Variants in KCNA10 observed in about 807,000 individuals in gnomAD.
The protein encoded by KCNA10 is potassium voltage-gated channel subfamily A member 10.
KCNA10 carries 16 observed loss-of-function variants against 21.4 expected under a neutral mutation model. The ratio of observed to expected loss-of-function variants is 0.75; its 90% CI spans 0.51 to 1.14. The LOEUF (loss-of-function observed/expected upper bound fraction) is 1.14. Among genes scored for constraint, KCNA10 ranks in the 50% most tolerant of loss-of-function variants. KCNA10 has a pLI of 0.00. For synonymous variants in KCNA10, 276 were observed against 245.9 expected (o/e 1.12, Z -1.15); for missense variants, 677 against 649.1 (o/e 1.04, Z -0.47).
Position 110,517,425 on chromosome 1 carries a change from C to T in KCNA10, c.1363G>A (p.Val455Ile). Residue 455 changes from valine to isoleucine, a missense_variant, in exon 1 of 1, where the codon GTC becomes ATC. Transcript: ENST00000369771. ...GVLTIALPVPVIVSNFNYFYH... is the reference protein window; with the variant it reads ...GVLTIALPVPIIVSNFNYFYH... Reference sequence around the variant, plus strand: ...AAGTAATTGAAGTTGGAGACAATGACAGGCACAGGGAGGGCAATGGTGAGG... The same window carrying T: ...AAGTAATTGAAGTTGGAGACAATGATAGGCACAGGGAGGGCAATGGTGAGG... The T allele has an allele frequency of 5.0e-6, 8 of 1,614,204 alleles. No individual in the cohort carries two copies. The highest frequency in any genetic ancestry group is 2.2e-5 in the East Asian group (1 of 44,884).
Position 110,518,774 on chromosome 1 carries a change from C to CCA in KCNA10, c.12_13dup (p.Gly5ValfsTer78), listed in dbSNP as rs1557707123. 1.3e-6 allele frequency: 2 copies of CCA among 1,569,810 alleles called. No homozygotes were observed. Among genetic ancestry groups the CCA allele is most frequent in the Admixed American group, 3.6e-5 (2 of 55,206 alleles). ...CAGCGCAACCTCCATTTCTTTCCAG[C>CCA]CACACACATCCATTCTAGGGGAGCC... On this transcript the variant is annotated frameshift_variant, in exon 1 of 1. Transcript: ENST00000369771. LOFTEE classifies it high-confidence loss of function.
At position 110,518,617 on chromosome 1, in the gene KCNA10, G is replaced by A. The variant is rs1647296952; in HGVS notation, c.171C>T (p.Thr57=). ...GCTTGGAGAAGGCCGTCTCATGGTT[G>A]GTGCTTTCGCTGATGAGGATCTTCC... The part of the protein sequence containing the change: ...SNGKILISES[T]NHETAFSKLP... Residue 57 remains threonine (T), a synonymous_variant, in exon 1 of 1, where the codon ACC becomes ACT. Transcript: ENST00000369771. 2 of 1,614,052 alleles carry A rather than the reference G, an allele frequency of 1.2e-6. No homozygotes were observed. The highest frequency in any genetic ancestry group is 1.7e-6 in the Non-Finnish European group (2 of 1,180,052).
rs1172293014 is a variant in KCNA10, at chr1:110,517,770, G to C, written c.1018C>G (p.Leu340Val). Residue 340 changes from leucine (L) to valine (V), a missense_variant, in exon 1 of 1, where the codon CTG becomes GTG. Physicochemically the swap from Leu to Val is conservative, Grantham distance 32. Transcript: ENST00000369771. ...ACCCTCACCAGGCGGATGATCCTCA[G>C]GATGGCCAGGGACATGTTCTGTTGG... ...SAQQNMSLAI[L>V]RIIRLVRVFR... The C allele has an allele frequency of 1.2e-6, 2 of 1,614,070 alleles. No individual in the cohort carries two copies. Among genetic ancestry groups the C allele is most frequent in the Non-Finnish European group, 1.7e-6 (2 of 1,180,046 alleles).
In KCNA10 at chr1:110,518,088, A is replaced by G. The variant is rs758272314; in HGVS notation, c.700T>C (p.Cys234Arg). 6.2e-7 allele frequency: 1 copy of G among 1,613,534 alleles called. No individual in the cohort carries two copies. The highest frequency in any genetic ancestry group is 8.5e-7 in the Non-Finnish European group (1 of 1,179,882). Residue 234 changes from cysteine (C) to arginine (R), a missense_variant, in exon 1 of 1, where the codon TGC becomes CGC. Transcript: ENST00000369771. ...CGGAACTCTGGCAGTGTCTCCAGGC[A>G]GAAGATGGTGATGGAGATGACCACA... ...LVVVISITIF[C>R]LETLPEFRED...
At position 110,517,792 on chromosome 1, in the gene KCNA10, T is replaced by C. The variant is rs1321741118; in HGVS notation, c.996A>G (p.Gln332=). 3.1e-6 allele frequency: 5 copies of C among 1,613,918 alleles called. No homozygotes were observed. The African/African-American group carries it at 6.7e-5, about 22-fold the overall frequency. Reference sequence around the variant, plus strand: ...TCAGGATGGCCAGGGACATGTTCTGTTGGGCACTCGGCTCTGTCTCCTGGA... The same window carrying C: ...TCAGGATGGCCAGGGACATGTTCTGCTGGGCACTCGGCTCTGTCTCCTGGA... ...ELVQETEPSA[Q]QNMSLAILRI... The change falls in exon 1 of 1, where the codon CAA becomes CAG. Residue 332 remains glutamine, a synonymous_variant. Coordinates refer to ENST00000369771, the MANE Select transcript of KCNA10 (RefSeq NM_005549.2).
chr1:110,518,713 C>T lies in KCNA10; in HGVS notation c.75G>A (p.Glu25=), dbSNP rs1647298716. ...AGTCGAAGTCTGTGGCATAGCCTGG[C>T]TCTTCTTGGATTTCATCTGAATTAT... ...NFDNSDEIQE[E]PGYATDFDST... is the part of the protein sequence containing the mutation. The change falls in exon 1 of 1, where the codon GAG becomes GAA. Residue 25 remains glutamate, a synonymous_variant. Coordinates refer to ENST00000369771, the MANE Select transcript of KCNA10 (RefSeq NM_005549.2). 2 of 1,613,206 alleles carry T rather than the reference C, an allele frequency of 1.2e-6. No individual in the cohort carries two copies. Among genetic ancestry groups the T allele is most frequent in the Admixed American group, 1.7e-5 (1 of 59,846 alleles).
chr1:110,518,324 G>C lies in KCNA10; in HGVS notation c.464C>G (p.Ala155Gly). 1.2e-6 allele frequency: 2 copies of C among 1,614,208 alleles called. No individual in the cohort carries two copies. Among genetic ancestry groups the C allele is most frequent in the South Asian group, 2.2e-5 (2 of 91,088 alleles). The change falls in exon 1 of 1, where the codon GCC becomes GGC. Residue 155 changes from alanine (A) to glycine (G), a missense_variant. Physicochemically the swap from Ala to Gly is moderately conservative, Grantham distance 60 (BLOSUM62 0). Coordinates refer to ENST00000369771, the MANE Select transcript of KCNA10 (RefSeq NM_005549.2). ...YQSGGKIRRP[A>G]NVPIDIFADE... ...AGCAAAGATATCAATGGGAACATTGGCTGGGCGCCGAATTTTCCCACCAGA... is the reference window on the plus strand; with the variant it reads ...AGCAAAGATATCAATGGGAACATTGCCTGGGCGCCGAATTTTCCCACCAGA...
Position 110,518,929 on chromosome 1 carries a change from G to T in KCNA10, c.-142C>A. 1 of 591,266 alleles carries T rather than the reference G, an allele frequency of 1.7e-6. No homozygotes were observed. Among genetic ancestry groups the T allele is most frequent in the Non-Finnish European group, 2.8e-6 (1 of 351,720 alleles). The allele number at this position is 591,266 out of a possible 1,614,324, so 36.6% of individuals were successfully genotyped here. On this transcript the variant is annotated 5_prime_UTR_variant, in exon 1 of 1. Coordinates refer to ENST00000369771, the MANE Select transcript of KCNA10 (RefSeq NM_005549.2). ...TTATTGAGGTAAGGTACACCAATGG[G>T]CTAATCAATGACTTATTTGTAGCTT... is the stretch of plus-strand genomic sequence containing the variant.
chr1:110,518,197 G>A lies in KCNA10; in HGVS notation c.591C>T (p.Asp197=). The change falls in exon 1 of 1, where the codon GAC becomes GAT. Residue 197 remains aspartate (D), a synonymous_variant. Coordinates refer to ENST00000369771, the MANE Select transcript of KCNA10 (RefSeq NM_005549.2). ...KDPETLLPTN[D]IHRQFWLLFE... ...AGAGGAGCCAGAACTGACGGTGGAT[G>A]TCATTGGTGGGTAGCAGTGTTTCAG... 6.2e-7 allele frequency: 1 copy of A among 1,613,870 alleles called. No homozygotes were observed. The highest frequency in any genetic ancestry group is 8.5e-7 in the Non-Finnish European group (1 of 1,179,992).
Position 110,517,598 on chromosome 1 carries a change from T to A in KCNA10, c.1190A>T (p.Glu397Val), listed in dbSNP as rs758616318. 4.6e-5 allele frequency: 75 copies of A among 1,613,970 alleles called. No homozygotes were observed. The highest frequency in any genetic ancestry group is 6.0e-5 in the Non-Finnish European group (71 of 1,180,040). Residue 397 changes from glutamate (E) to valine (V), a missense_variant, in exon 1 of 1, where the codon GAG becomes GTG. Coordinates refer to ENST00000369771, the MANE Select transcript of KCNA10 (RefSeq NM_005549.2). ...ILFSSAVYFA[E>V]VDEPESHFSS... is the part of the protein sequence containing the mutation. ...GAAATGGGACTCTGGCTCATCCACC[T>A]CAGCAAAGTAGACTGCACTGGAGAA... is the stretch of plus-strand genomic sequence containing the variant.
chr1:110,518,880 G>T lies in KCNA10; in HGVS notation c.-93C>A. On this transcript the variant is annotated 5_prime_UTR_variant, in exon 1 of 1. The change creates a new upstream start codon in the 5' untranslated region. Transcript: ENST00000369771. ...GAAGAAGTTCATTATACAAGATCCA[G>T]GGCAGAATACAACTGGCCCTTGTTT... is the stretch of plus-strand genomic sequence containing the variant. 9.0e-7 allele frequency: 1 copy of T among 1,110,752 alleles called. No homozygotes were observed. The highest frequency in any genetic ancestry group is 1.3e-6 in the Non-Finnish European group (1 of 789,458). 68.8% of individuals were successfully genotyped at this position (1,110,752 alleles called of 1,614,324 possible). A position where few individuals can be genotyped will look rare whatever the true frequency, so the allele number is the denominator to read the frequency against.
chr1:110,517,501 C>G lies in KCNA10; in HGVS notation c.1287G>C (p.Pro429=). 1 of 1,614,078 alleles carries G rather than the reference C, an allele frequency of 6.2e-7. No homozygotes were observed. Among genetic ancestry groups the G allele is most frequent in the South Asian group, 1.1e-5 (1 of 91,066 alleles). ...MTTVGYGDMC[P]TTPGGKIVGT... is the part of the protein sequence containing the mutation. The stretch of plus-strand genomic sequence containing the variant: ...CCACAATCTTCCCCCCTGGGGTGGT[C>G]GGGCACATGTCCCCATAGCCTACAG... The change falls in exon 1 of 1, where the codon CCG becomes CCC. Residue 429 remains proline (P), a synonymous_variant. Coordinates refer to ENST00000369771, the MANE Select transcript of KCNA10 (RefSeq NM_005549.2).
chr1:110,518,043 C>T lies in KCNA10; in HGVS notation c.745G>A (p.Val249Met). 2 of 1,613,862 alleles carry T rather than the reference C, an allele frequency of 1.2e-6. No homozygotes were observed. The highest frequency in any genetic ancestry group is 1.7e-6 in the Non-Finnish European group (2 of 1,179,998). Residue 249 changes from valine (V) to methionine (M), a missense_variant, in exon 1 of 1, where the codon GTG becomes ATG. Physicochemically the swap from Val to Met is conservative, Grantham distance 21. Coordinates refer to ENST00000369771, the MANE Select transcript of KCNA10 (RefSeq NM_005549.2). The part of the protein sequence containing the change: ...PEFREDRELK[V>M]VRDPNLNMSK... The stretch of plus-strand genomic sequence containing the variant: ...ATGTTGAGATTGGGGTCTCTGACCA[C>T]CTTTAGCTCCCTATCCTCCCGGAAC...
chr1:110,518,640 T>C lies in KCNA10; in HGVS notation c.148A>G (p.Lys50Glu). ...RPGGSSFSNG[K>E]ILISESTNHE... is the part of the protein sequence containing the mutation. ...TTGGTGCTTTCGCTGATGAGGATCT[T>C]CCCGTTGGAGAAGGAGCTGCCCCCA... is the stretch of plus-strand genomic sequence containing the variant. The change falls in exon 1 of 1, where the codon AAG (lysine) becomes GAG (glutamate). Residue 50 changes from lysine to glutamate, a missense_variant. Coordinates refer to ENST00000369771, the MANE Select transcript of KCNA10 (RefSeq NM_005549.2). The C allele has an allele frequency of 6.2e-7, 1 of 1,614,152 alleles. No individual in the cohort carries two copies. Among genetic ancestry groups the C allele is most frequent in the East Asian group, 2.2e-5 (1 of 44,880 alleles).
Position 110,517,481 on chromosome 1 carries a change from A to G in KCNA10, c.1307T>C (p.Ile436Thr), listed in dbSNP as rs1647242183. ...TGCAATGGCACACAGAGTGCCCACA[A>G]TCTTCCCCCCTGGGGTGGTCGGGCA... ...DMCPTTPGGK[I>T]VGTLCAIAGV... The change falls in exon 1 of 1, where the codon ATT (isoleucine) becomes ACT (threonine). Residue 436 changes from isoleucine to threonine, a missense_variant. Transcript: ENST00000369771. 4.3e-6 allele frequency: 7 copies of G among 1,614,140 alleles called. No individual in the cohort carries two copies. Among genetic ancestry groups the G allele is most frequent in the Non-Finnish European group, 5.1e-6 (6 of 1,180,012 alleles).
chr1:110,517,707 G>A lies in KCNA10; in HGVS notation c.1081C>T (p.Leu361=). 1 of 1,614,212 alleles carries A rather than the reference G, an allele frequency of 6.2e-7. No individual in the cohort carries two copies. Among genetic ancestry groups the A allele is most frequent in the Non-Finnish European group, 8.5e-7 (1 of 1,180,046 alleles). Residue 361 remains leucine (L), a synonymous_variant, in exon 1 of 1, where the codon CTG becomes TTG. Coordinates refer to ENST00000369771, the MANE Select transcript of KCNA10 (RefSeq NM_005549.2). ...TTCAGTGTTTGCCCGAGGATCTGCA[G>A]CCCCTTGGAGTGGCGCGAGAGCTTG... is the stretch of plus-strand genomic sequence containing the variant. ...IFKLSRHSKG[L]QILGQTLKAS... is the part of the protein sequence containing the mutation.
In KCNA10 at chr1:110,517,295, T is replaced by A; in HGVS notation, c.1493A>T (p.Asn498Ile). The A allele has an allele frequency of 6.2e-7, 1 of 1,614,168 alleles. No individual in the cohort carries two copies. Among genetic ancestry groups the A allele is most frequent in the Non-Finnish European group, 8.5e-7 (1 of 1,180,018 alleles). The change falls in exon 1 of 1, where the codon AAT (asparagine) becomes ATT (isoleucine). Residue 498 changes from asparagine (N) to isoleucine (I), a missense_variant. Asn to Ile is a moderately radical substitution (Grantham distance 149). Coordinates refer to ENST00000369771, the MANE Select transcript of KCNA10 (RefSeq NM_005549.2). ...GSRMGSTDSL[N>I]KTNGGCSTEK... ...TGTGGAACAGCCACCATTGGTCTTATTAAGAGAGTCTGTGCTGCCCATTCT... is the reference window on the plus strand; with the variant it reads ...TGTGGAACAGCCACCATTGGTCTTAATAAGAGAGTCTGTGCTGCCCATTCT...
chr1:110,518,206 G>A lies in KCNA10; in HGVS notation c.582C>T (p.Pro194=). The A allele has an allele frequency of 2.5e-6, 4 of 1,613,888 alleles. No homozygotes were observed. Among genetic ancestry groups the A allele is most frequent in the Non-Finnish European group, 3.4e-6 (4 of 1,180,004 alleles). ...AGAACTGACGGTGGATGTCATTGGT[G>A]GGTAGCAGTGTTTCAGGGTCTTTGA... ...GFIKDPETLL[P]TNDIHRQFWL... The change falls in exon 1 of 1, where the codon CCC becomes CCT. Residue 194 remains proline, a synonymous_variant. Transcript: ENST00000369771.
At position 110,518,730 on chromosome 1, in the gene KCNA10, C is replaced by G. The variant is rs1319210765; in HGVS notation, c.58G>C (p.Asp20His). Reference protein sequence around the residue: ...EVALVNFDNSDEIQEEPGYAT... With the variant: ...EVALVNFDNSHEIQEEPGYAT... ...TAGCCTGGCTCTTCTTGGATTTCAT[C>G]TGAATTATCAAAATTGACCAGCGCA... Residue 20 changes from aspartate (D) to histidine (H), a missense_variant, in exon 1 of 1, where the codon GAT becomes CAT. Coordinates refer to ENST00000369771, the MANE Select transcript of KCNA10 (RefSeq NM_005549.2). 1 of 1,610,640 alleles carries G rather than the reference C, an allele frequency of 6.2e-7. No homozygotes were observed. The highest frequency in any genetic ancestry group is 8.5e-7 in the Non-Finnish European group (1 of 1,177,852).
Sources: gnomAD v4.1 joint callset for allele counts on GRCh38, gnomAD v4.1.1 for gene constraint, MANE v1.5 for transcripts, NCBI Gene and HGNC (gene_info 2026-07-23, HGNC 2026-07-21) for gene names.